The following KAZN variants were observed in gnomAD, a reference collection of about 807,000 sequenced individuals.
The protein encoded by KAZN is kazrin.
KAZN carries 40 observed loss-of-function variants against 87.4 expected under a neutral mutation model. That is an observed-to-expected ratio of 0.46 (90% CI 0.36 to 0.60). The LOEUF (loss-of-function observed/expected upper bound fraction) is 0.60, where lower values mean the gene tolerates loss of function less well. Ranked by LOEUF, KAZN falls within the 20% of genes least tolerant of loss-of-function variation. KAZN has a pLI of 0.00. For missense variants in KAZN, 898 were observed against 1,073.9 expected (o/e 0.84, Z 2.29); for synonymous variants, 466 against 458.3 (o/e 1.02, Z -0.22).
rs1042863167 is a variant in KAZN at position 14,692,082 on chromosome 1, G to A, written c.226+92859G>A. The A allele has an allele frequency of 1.0e-5, 3 of 293,994 alleles. No individual in the cohort carries two copies. In the East Asian group the frequency reaches 1.7e-4, roughly 17 times the overall value. The allele number at this position is 293,994 out of a possible 1,614,324, so 18.2% of individuals were successfully genotyped here. A position where few individuals can be genotyped will look rare whatever the true frequency, so the allele number is the denominator to read the frequency against. ...AAATAAAATAATGAATTGTAAAATG[G>A]GCCCCAGGATTTAATGCAAACATCA... On this transcript the variant is annotated intron_variant, in intron 1 of 14. Transcript: ENST00000376030.
At chr1:14,561,370 C>A (rs1674241344) in intron 2 of KAZN, among the ~76,000 whole-genome samples, 1 of 152,184 alleles carries the variant, frequency 6.6e-6, no homozygotes, top group South Asian at 2.1e-4. Flanking sequence ...CTGGGAAGGA[C>A]ATGACAGACC....
intron 1 of KAZN, among the ~76,000 whole-genome samples, chr1:14,699,605 GAGAA>G (rs1641808294): frequency 6.6e-6 from 1 of 152,192 alleles, no homozygotes; most frequent in Non-Finnish European, 1.5e-5. Context: ...CACTGCAAGA[GAGAA>G]AGAGAGCGAT....
chr1:14,407,742 CA>C (rs1444284759), intron 2 of KAZN, among the ~76,000 whole-genome samples: 1 of 151,744 alleles, frequency 6.6e-6, no homozygotes, highest in Non-Finnish European at 1.5e-5. Context: ...TGGACAAAAA[CA>C]CAAACAAAAA....
At chr1:13,963,450 T>G (rs1641827687) in intron 1 of KAZN, among the ~76,000 whole-genome samples, 1 of 152,240 alleles carries the variant, frequency 6.6e-6, no homozygotes, top group Non-Finnish European at 1.5e-5. Context: ...GTTCCTCACA[T>G]GGATAGTGAT....
intron 2 of KAZN, among the ~76,000 whole-genome samples, chr1:14,485,829 G>C (rs1047117767): frequency 1.3e-5 from 2 of 150,654 alleles, no homozygotes; most frequent in Non-Finnish European, 2.9e-5. Context: ...AGAGGCGGAG[G>C]TTGCAGTGAA....
intron 2 of KAZN, among the ~76,000 whole-genome samples, chr1:14,345,152 A>G (rs1382720857): frequency 6.6e-6 from 1 of 152,132 alleles, no homozygotes; most frequent in African/African-American, 2.4e-5. Context: ...TTCTGACTCC[A>G]GGTGATCTGC....
At chr1:14,951,642 A>C (rs1170518116) in intron 1 of KAZN, among the ~76,000 whole-genome samples, 3 of 148,694 alleles carry the variant, frequency 2.0e-5, no homozygotes, top group Non-Finnish European at 4.4e-5. Flanking sequence ...ACACCTGACT[A>C]ATTTTTTGTA....
Position 14,599,129 on chromosome 1 carries a change from C to A in KAZN, c.132C>A (p.Gly44=). Residue 44 remains glycine (G), a synonymous_variant, in exon 1 of 15, where the codon GGC becomes GGA. Transcript: ENST00000376030. The surrounding 1 kb of genome is among the most constrained non-coding windows in gnomAD (Gnocchi z 4.4). ...NRRLAELSGG[G]GPGPGPGAAA... is the part of the protein sequence containing the mutation. ...GACTGGCGGAACTGAGCGGCGGCGGCGGCCCCGGCCCGGGCCCGGGAGCCG... is the reference window on the plus strand; with the variant it reads ...GACTGGCGGAACTGAGCGGCGGCGGAGGCCCCGGCCCGGGCCCGGGAGCCG... 1 of 1,491,016 alleles carries A rather than the reference C, an allele frequency of 6.7e-7. No homozygotes were observed. The highest frequency in any genetic ancestry group is 8.9e-7 in the Non-Finnish European group (1 of 1,124,634). 92.4% of individuals were successfully genotyped at this position (1,491,016 alleles called of 1,614,324 possible).
intron 1 of KAZN, among the ~76,000 whole-genome samples, chr1:13,992,302 T>TTTG (rs1639321587): frequency 6.6e-6 from 1 of 152,198 alleles, no homozygotes; most frequent in Non-Finnish European, 1.5e-5. Flanking sequence ...TATTTTTTTT[T>TTTG]CTTGCTCACC....
chr1:14,173,376 G>T (rs1385613312), intron 1 of KAZN, among the ~76,000 whole-genome samples: 1 of 152,232 alleles, frequency 6.6e-6, no homozygotes, highest in South Asian at 2.1e-4. Flanking sequence ...ATGTCTTCAA[G>T]GACCACTTTC....
intron 3 of KAZN, among the ~76,000 whole-genome samples, chr1:15,037,905 G>T (rs1047070840): frequency 6.6e-6 from 1 of 152,120 alleles, no homozygotes; most frequent in Non-Finnish European, 1.5e-5. Flanking sequence ...GGAATCAGGA[G>T]CTAGAAGAAA....
chr1:14,751,984 CA>C (rs1463884257), intron 1 of KAZN, among the ~76,000 whole-genome samples: 2 of 152,178 alleles, frequency 1.3e-5, no homozygotes, highest in Non-Finnish European at 2.9e-5. Context: ...GTACAAGAAG[CA>C]TGGTGCCAGC....
intron 1 of KAZN, among the ~76,000 whole-genome samples, chr1:14,138,943 AG>A (rs889439163): frequency 2.0e-5 from 3 of 152,226 alleles, no homozygotes; most frequent in African/African-American, 7.2e-5. Context: ...AAATTGTGCC[AG>A]GGCCGATGGA....
rs577638546 is a variant in KAZN, at chr1:14,465,683, G to A, written c.250-133300G>A. On this transcript the variant is annotated intron_variant, in intron 2 of 16. Transcript: ENST00000636203. ...AAGTCACTGAGGCCAGTCTTGTCAA[G>A]GGGAGGGAACTTGGACTCAACAGGC... Among the ~76,000 whole-genome samples, 4 of 152,286 alleles carry A rather than the reference G, an allele frequency of 2.6e-5. No homozygotes were observed. In the South Asian group the frequency reaches 8.3e-4, roughly 32 times the overall value.
In KAZN at chr1:14,856,835, T is replaced by C. The variant is rs1650173872; in HGVS notation, c.227-103849T>C. ...CAATTCAATCGGAACTCAGACTTTT[T>C]TCCTCTGTTGTCATCCTTTGATGCT... is the stretch of plus-strand genomic sequence containing the variant. On this transcript the variant is annotated intron_variant, in intron 1 of 14. Coordinates refer to ENST00000376030, the MANE Select transcript of KAZN (RefSeq NM_201628.3). This position sits in a 1 kb window ranked among gnomAD's most constrained non-coding sequence, Gnocchi z 5.2. 6.6e-6 allele frequency among the ~76,000 whole-genome samples: 1 copy of C among 152,216 alleles called. No individual in the cohort carries two copies. Among genetic ancestry groups the C allele is most frequent in the Admixed American group, 6.5e-5 (1 of 15,282 alleles).
chr1:14,748,054 G>A (rs1644309454), intron 1 of KAZN, among the ~76,000 whole-genome samples: 2 of 152,160 alleles, frequency 1.3e-5, no homozygotes, highest in African/African-American at 4.8e-5. Flanking sequence ...GATCACCTTT[G>A]AGGAGCTAAG....
rs902802392 is a variant in KAZN at position 14,598,750 on chromosome 1, T to C, written c.-248T>C. On this transcript the variant is annotated 5_prime_UTR_variant, in exon 1 of 15. Transcript: ENST00000376030. This position sits in a 1 kb window ranked among gnomAD's most constrained non-coding sequence, Gnocchi z 4.2. ...GGCGATCGCTGCTCCTCCTCCTCCT[T>C]CTCCTCCTCTTTTTTCTCCTCCGCC... 4.5e-6 allele frequency: 6 copies of C among 1,336,526 alleles called. No individual in the cohort carries two copies. Among genetic ancestry groups the C allele is most frequent in the East Asian group, 6.3e-5 (2 of 31,608 alleles). The allele number at this position is 1,336,526 out of a possible 1,614,324, so 82.8% of individuals were successfully genotyped here. A position where few individuals can be genotyped will look rare whatever the true frequency, so the allele number is the denominator to read the frequency against.
chr1:14,121,554 C>T (rs1644752269), intron 1 of KAZN, among the ~76,000 whole-genome samples: 1 of 152,148 alleles, frequency 6.6e-6, no homozygotes, highest in Admixed American at 6.5e-5. Flanking sequence ...GCCTAACAAA[C>T]ACGTTTTAAA....
chr1:13,942,185 G>A (rs893101027), intron 1 of KAZN, among the ~76,000 whole-genome samples: 6 of 152,006 alleles, frequency 3.9e-5, no homozygotes, highest in South Asian at 4.2e-4. Flanking sequence ...ATTCTCAACC[G>A]GATTGAGGTG....
Sources: allele counts gnomAD v4.1 joint callset (sites outside exome capture counted in the v4.1 genomes callset), GRCh38; gene constraint gnomAD v4.1.1; non-coding constraint Gnocchi (gnomAD v3.1); transcripts MANE v1.5; gene names NCBI Gene and HGNC (gene_info 2026-07-23, HGNC 2026-07-21).